The following OSBPL2 variants were observed in gnomAD, a reference collection of about 807,000 sequenced individuals.
OSBPL2 encodes oxysterol binding protein like 2.
A neutral mutation model predicts 58.4 loss-of-function variants in OSBPL2; 18 were observed. The observed-to-expected ratio is 0.31, with a 90% CI of 0.21 to 0.46. The LOEUF (loss-of-function observed/expected upper bound fraction) is 0.46, where lower values mean the gene tolerates loss of function less well. OSBPL2 is among the 20% of genes least tolerant of loss of function. The pLI, the probability that OSBPL2 is intolerant of heterozygous loss-of-function variation, is 1.00. For synonymous variants in OSBPL2, 221 were observed against 234.1 expected (o/e 0.94, Z 0.51); for missense variants, 461 against 616.5 (o/e 0.75, Z 2.67).
intron 2 of OSBPL2, chr20:62,259,303 A>T (rs1302920756): frequency 6.6e-6 from 1 of 152,144 alleles, no homozygotes; most frequent in East Asian, 1.9e-4. Context: ...TGTCCTGGGG[A>T]AGGGCCCACC....
intron 9 of OSBPL2, 167 bp downstream of exon 9, chr20:62,282,046 C>T (rs1982828533): frequency 4.3e-6 from 2 of 460,540 alleles, no homozygotes; most frequent in Middle Eastern, 5.2e-4. Context: ...TTTGGAAAGA[C>T]ATTTTGTTAT....
intron 5 of OSBPL2, 88 bp downstream of exon 5, chr20:62,272,347 C>A (rs1157479416): frequency 2.8e-6 from 4 of 1,442,992 alleles, no homozygotes; most frequent in Non-Finnish European, 3.8e-6. Flanking sequence ...CCCCAGGCAT[C>A]TGTGAGGACT....
chr20:62,252,736 G>A (rs1281385344), intron 1 of OSBPL2, among the ~76,000 whole-genome samples: 1 of 152,248 alleles, frequency 6.6e-6, no homozygotes, highest in Non-Finnish European at 1.5e-5. Context: ...GAAACATGGC[G>A]CTGGCATCTG....
intron 4 of OSBPL2, among the ~76,000 whole-genome samples, chr20:62,264,065 CAAAAAAAAA>C (rs11476225): frequency 1.0e-5 from 1 of 98,006 alleles, no homozygotes; most frequent in Non-Finnish European, 2.2e-5. Flanking sequence ...GATTCCATCT[CAAAAAAAAA>C]AAAAAAAGAA....
At chr20:62,261,909 C>T (rs1981337949) in intron 3 of OSBPL2, among the ~76,000 whole-genome samples, 1 of 152,154 alleles carries the variant, frequency 6.6e-6, no homozygotes, top group Non-Finnish European at 1.5e-5. Context: ...CAGGCATGTG[C>T]CACCATGCCT....
At chr20:62,278,983 C>T (rs1482109676) in intron 6 of OSBPL2, 174 bp from the exon 7 acceptor site, 9 of 582,642 alleles carry the variant, frequency 1.5e-5, no homozygotes, top group South Asian at 6.5e-5. Flanking sequence ...CTGTTGCCAA[C>T]GTTAGGCCAA....
Position 62,282,000 on chromosome 20 carries a change from A to G in OSBPL2, c.872+121A>G, listed in dbSNP as rs576282954. On this transcript the variant is annotated intron_variant, in intron 9 of 13. Coordinates refer to ENST00000313733, the MANE Select transcript of OSBPL2 (RefSeq NM_144498.4). ...CATGAGACGCGGGTACACCAGTGCC[A>G]TCTGTTCATGGTCCAGAAGTATGAC... 8.2e-6 allele frequency: 5 copies of G among 613,092 alleles called. No homozygotes were observed. In the East Asian group the frequency reaches 8.2e-5, roughly 10 times the overall value. 38.0% of individuals were successfully genotyped at this position (613,092 alleles called of 1,614,324 possible).
intron 1 of OSBPL2, 62 bp from the exon 2 acceptor site, chr20:62,255,995 A>T (rs1212033925): frequency 5.4e-6 from 3 of 555,244 alleles, no homozygotes; most frequent in Non-Finnish European, 9.5e-6. Context: ...GGGTATTTTT[A>T]AAATGTTTTT....
intron 4 of OSBPL2, among the ~76,000 whole-genome samples, 191 bp downstream of exon 4, chr20:62,263,882 A>G (rs576930244): frequency 5.9e-5 from 9 of 152,188 alleles, no homozygotes; most frequent in South Asian, 2.1e-4. Context: ...TGGCTAACAC[A>G]GTGAAACCCC....
In OSBPL2 at chr20:62,243,132, C is replaced by T. The variant is rs190451492; in HGVS notation, c.-129+4535C>T. On this transcript the variant is annotated intron_variant, in intron 1 of 13. Coordinates refer to ENST00000313733, the MANE Select transcript of OSBPL2 (RefSeq NM_144498.4). ...TGATTCAGTGACATTTCGGTGACTC[C>T]GATAATGACGGCAGGTGTCAGGTGC... Among the ~76,000 whole-genome samples the T allele has an allele frequency of 7.9e-5, 12 of 152,290 alleles. No homozygotes were observed. In the East Asian group the frequency reaches 1.9e-3, roughly 24 times the overall value.
intron 1 of OSBPL2, among the ~76,000 whole-genome samples, chr20:62,249,698 C>T (rs1980394621): frequency 6.6e-6 from 1 of 152,030 alleles, no homozygotes; most frequent in African/African-American, 2.4e-5. Flanking sequence ...CCTCAGCCTC[C>T]CGAGTAGCTG....
intron 2 of OSBPL2, chr20:62,259,157 C>T (rs1263739307): frequency 1.3e-5 from 2 of 152,510 alleles, no homozygotes; most frequent in African/African-American, 4.8e-5. Context: ...AGGCCCAGAG[C>T]CCCCATGGAA....
rs1568857329 is a variant in OSBPL2, at chr20:62,293,932, T to TGG, written c.*46_*47dup. 1 of 1,600,156 alleles carries TGG rather than the reference T, an allele frequency of 6.2e-7. No individual in the cohort carries two copies. The highest frequency in any genetic ancestry group is 1.1e-5 in the South Asian group (1 of 89,320). On this transcript the variant is annotated 3_prime_UTR_variant, in exon 14 of 14. Coordinates refer to ENST00000313733, the MANE Select transcript of OSBPL2 (RefSeq NM_144498.4). ...GCCCGGGACCGGAGGCTGACGAGGC[T>TGG]GGACTTCCTCGAGTGGCCACTGTGA...
intron 1 of OSBPL2, among the ~76,000 whole-genome samples, chr20:62,243,333 C>A (rs1979860229): frequency 6.6e-6 from 1 of 152,186 alleles, no homozygotes; most frequent in Non-Finnish European, 1.5e-5. Flanking sequence ...GTGGGAAATG[C>A]TGGAACACCT....
At chr20:62,281,018 T>G in intron 7 of OSBPL2, 40 bp from the exon 8 acceptor site, 1 of 1,527,478 alleles carries the variant, frequency 6.5e-7, no homozygotes, top group Non-Finnish European at 9.1e-7. Context: ...TGTCTTGGCT[T>G]TTCTGGACTC....
chr20:62,264,232 G>A (rs554149223), intron 4 of OSBPL2, among the ~76,000 whole-genome samples: 113 of 152,308 alleles, frequency 7.4e-4, no homozygotes, highest in South Asian at 6.0e-3. Context: ...TGTGGCCTGC[G>A]TGAGGTGGGT....
chr20:62,253,110 A>G lies in OSBPL2; in HGVS notation c.-128-2947A>G, dbSNP rs1260077969. Among the ~76,000 whole-genome samples, 8 of 152,300 alleles carry G rather than the reference A, an allele frequency of 5.3e-5. No homozygotes were observed. The East Asian group carries it at 1.5e-3, about 29-fold the overall frequency. ...GCAGTGTCATCTCTCCCCGGGAGGCACCCAAGGCCGTCTCTCGGGGTTCAG... is the reference window on the plus strand; with the variant it reads ...GCAGTGTCATCTCTCCCCGGGAGGCGCCCAAGGCCGTCTCTCGGGGTTCAG... On this transcript the variant is annotated intron_variant, in intron 1 of 13. Transcript: ENST00000313733.
intron 10 of OSBPL2, 193 bp downstream of exon 10, chr20:62,284,362 G>T: frequency 3.4e-6 from 2 of 595,362 alleles, no homozygotes; most frequent in Non-Finnish European, 2.9e-6. Context: ...GGGTTTATCT[G>T]TATTTCTTTC....
At chr20:62,254,560 C>G (rs1173294772) in intron 1 of OSBPL2, among the ~76,000 whole-genome samples, 1 of 152,260 alleles carries the variant, frequency 6.6e-6, no homozygotes, top group East Asian at 1.9e-4. Flanking sequence ...GACGTGGTGG[C>G]TGTCCTGTTG....
Sources: allele counts gnomAD v4.1 joint callset (sites outside exome capture counted in the v4.1 genomes callset), GRCh38; gene constraint gnomAD v4.1.1; transcripts MANE v1.5; gene names NCBI Gene and HGNC (gene_info 2026-07-23, HGNC 2026-07-21).